Variants in PRTG observed in about 807,000 individuals in gnomAD.
PRTG encodes immunoglobulin superfamily, DCC subclass, member 5.
In PRTG, 67 loss-of-function variants were observed where a neutral mutation model predicts 122.5. The observed-to-expected ratio is 0.55, with a 90% confidence interval of 0.45 to 0.67. The LOEUF (loss-of-function observed/expected upper bound fraction) is 0.67, where lower values mean the gene tolerates loss of function less well. Ranked by LOEUF, PRTG falls within the 30% of genes least tolerant of loss-of-function variation. PRTG has a pLI of 0.00. For synonymous variants in PRTG, 554 were observed against 501.1 expected (o/e 1.11, Z -1.41); for missense variants, 1,435 against 1,415.4 (o/e 1.01, Z -0.22).
intron 2 of PRTG, among the ~76,000 whole-genome samples, chr15:55,685,992 T>C (rs75668087): frequency 0.012 from 1,854 of 152,262 alleles, 24 homozygotes; most frequent in Non-Finnish European, 0.017. Context: ...TCTGCAAACA[T>C]TTTAATTTTG....
Position 55,619,195 on chromosome 15 carries a change from G to C in PRTG, c.*817C>G, listed in dbSNP as rs2059153640. Reference sequence around the variant, plus strand: ...TGGGATATAGGAGATAAAGCACTCAGACTCTAATGCCCAAAACATAAAGGC... The same window carrying C: ...TGGGATATAGGAGATAAAGCACTCACACTCTAATGCCCAAAACATAAAGGC... On this transcript the variant is annotated 3_prime_UTR_variant, in exon 20 of 20. Transcript: ENST00000389286. 6.6e-6 allele frequency: 1 copy of C among 152,138 alleles called. No homozygotes were observed. The highest frequency in any genetic ancestry group is 1.5e-5 in the Non-Finnish European group (1 of 68,038). The allele number at this position is 152,138 out of a possible 1,614,324, so 9.4% of individuals were successfully genotyped here.
chr15:55,670,917 AC>A, intron 11 of PRTG, among the ~76,000 whole-genome samples: 1 of 4,476 alleles, frequency 2.2e-4, no homozygotes. Context: ...ACACACACAC[AC>A]ACACACACAC....
At chr15:55,646,770 A>T (rs760785749) in intron 11 of PRTG, among the ~76,000 whole-genome samples, 1 of 152,264 alleles carries the variant, frequency 6.6e-6, no homozygotes, top group African/African-American at 2.4e-5. Context: ...AATTTGATTC[A>T]TAACAGTACA....
At chr15:55,737,333 C>T (rs1462566395) in intron 2 of PRTG, among the ~76,000 whole-genome samples, 5 of 152,110 alleles carry the variant, frequency 3.3e-5, no homozygotes, top group Admixed American at 3.3e-4. Context: ...TAACCCTATA[C>T]TTTCTTTTAA....
At chr15:55,738,219 T>G (rs2031498820) in intron 2 of PRTG, 2 of 326,750 alleles carry the variant, frequency 6.1e-6, no homozygotes, top group Non-Finnish European at 1.1e-5. Context: ...TGCAAAATCA[T>G]TCACATGTAA....
intron 2 of PRTG, chr15:55,738,316 C>T: frequency 4.2e-6 from 2 of 481,046 alleles, no homozygotes; most frequent in South Asian, 4.8e-5. Flanking sequence ...TTTGTTACAC[C>T]TATCACACAC....
intron 2 of PRTG, among the ~76,000 whole-genome samples, chr15:55,718,867 C>G (rs577888183): frequency 1.3e-5 from 2 of 151,992 alleles, no homozygotes; most frequent in Non-Finnish European, 2.9e-5. Flanking sequence ...CTCAGCCTCT[C>G]GAGTAGCTGT....
At chr15:55,708,725 G>C (rs1321761994) in intron 2 of PRTG, among the ~76,000 whole-genome samples, 5 of 152,212 alleles carry the variant, frequency 3.3e-5, no homozygotes, top group Non-Finnish European at 7.3e-5. Flanking sequence ...TGACAGAGTA[G>C]TGAAGCTGAC....
intron 2 of PRTG, among the ~76,000 whole-genome samples, chr15:55,708,799 CT>C (rs557562696): frequency 3.6e-4 from 55 of 151,858 alleles, no homozygotes; most frequent in Non-Finnish European, 5.6e-4. Context: ...CTGTGATATA[CT>C]TTTTTTTAAG....
intron 15 of PRTG, among the ~76,000 whole-genome samples, chr15:55,635,208 C>T (rs2059251282): frequency 6.6e-6 from 1 of 152,188 alleles, no homozygotes; most frequent in African/African-American, 2.4e-5. Flanking sequence ...TCTCCTGTCT[C>T]AGCCTCCCGA....
chr15:55,670,039 G>C (rs943055640), intron 11 of PRTG, among the ~76,000 whole-genome samples: 4 of 152,110 alleles, frequency 2.6e-5, no homozygotes, highest in African/African-American at 4.8e-5. Context: ...GAAAATAAAG[G>C]TTTATAGTTT....
At chr15:55,708,666 A>T (rs1371481830) in intron 2 of PRTG, among the ~76,000 whole-genome samples, 1 of 152,150 alleles carries the variant, frequency 6.6e-6, no homozygotes, top group African/African-American at 2.4e-5. Flanking sequence ...TGCTGTACTA[A>T]TCATTGCTAA....
chr15:55,621,026 A>G (rs924701729), intron 18 of PRTG, among the ~76,000 whole-genome samples: 4 of 152,170 alleles, frequency 2.6e-5, no homozygotes, highest in Admixed American at 2.6e-4. Flanking sequence ...AATGTTAACA[A>G]AAATGATCAT....
chr15:55,714,205 G>GTCTCTCTCTC (rs3049129), intron 2 of PRTG, among the ~76,000 whole-genome samples: 12,418 of 142,620 alleles, frequency 0.087, 657 homozygotes, highest in Middle Eastern at 0.17. Flanking sequence ...CTATTTATCT[G>GTCTCTCTCTC]TCTCTCTCTC....
chr15:55,626,141 C>T (rs147750909), intron 17 of PRTG, among the ~76,000 whole-genome samples: 133 of 152,212 alleles, frequency 8.7e-4, no homozygotes, highest in Middle Eastern at 3.4e-3. Context: ...CTAGGCCGGG[C>T]GCGGTGGCTC....
chr15:55,742,647 C>A, intron 1 of PRTG, 191 bp downstream of exon 1: 2 of 640,514 alleles, frequency 3.1e-6, no homozygotes, highest in South Asian at 2.0e-5. Context: ...GCGCAGAGGC[C>A]GCAAGCAACT....
At chr15:55,629,300 C>T (rs914096872) in intron 15 of PRTG, among the ~76,000 whole-genome samples, 1 of 149,028 alleles carries the variant, frequency 6.7e-6, no homozygotes, top group African/African-American at 2.5e-5. Context: ...CAATATAATC[C>T]TTTTCTGTAA....
At chr15:55,735,681 A>T (rs2031386005) in intron 2 of PRTG, among the ~76,000 whole-genome samples, 2 of 150,496 alleles carry the variant, frequency 1.3e-5, no homozygotes, top group South Asian at 2.1e-4. Flanking sequence ...ATCTTAAAGA[A>T]AATTCTAATT....
chr15:55,641,568 G>A (rs1171169031), intron 11 of PRTG, among the ~76,000 whole-genome samples: 1 of 152,094 alleles, frequency 6.6e-6, no homozygotes, highest in Non-Finnish European at 1.5e-5. Context: ...GTTACACTTT[G>A]TAGAAGTTTT....
Sources: gnomAD v4.1 joint callset for allele counts (sites outside exome capture counted in the v4.1 genomes callset) on GRCh38, gnomAD v4.1.1 for gene constraint, MANE v1.5 for transcripts, NCBI Gene and HGNC (gene_info 2026-07-23, HGNC 2026-07-21) for gene names.